Variants in BAZ2B observed in about 807,000 individuals in gnomAD.
BAZ2B encodes bromodomain adjacent to zinc finger domain protein 2B.
BAZ2B carries 91 observed loss-of-function variants against 246.0 expected under a neutral mutation model. The observed-to-expected ratio is 0.37, with a 90% CI of 0.31 to 0.44. The LOEUF (loss-of-function observed/expected upper bound fraction) is 0.44, where lower values mean the gene tolerates loss of function less well. Ranked by LOEUF, BAZ2B falls within the 20% of genes least tolerant of loss-of-function variation. BAZ2B has a pLI of 1.00. For missense variants in BAZ2B, 2,332 were observed against 2,533.7 expected (o/e 0.92, Z 1.71); for synonymous variants, 855 against 860.0 (o/e 0.99, Z 0.10).
chr2:159,640,621 T>A, the BAZ2B span, among the ~76,000 whole-genome samples: 1 of 151,640 alleles, frequency 6.6e-6, no homozygotes, highest in East Asian at 1.9e-4. Flanking sequence ...AATGAAAAAG[T>A]AAGAAGGAAA....
chr2:159,647,527 C>A, the BAZ2B span, among the ~76,000 whole-genome samples: 3 of 152,216 alleles, frequency 2.0e-5, no homozygotes, highest in Non-Finnish European at 4.4e-5. Context: ...CTCAGAGACA[C>A]ACTCAGAATA....
At chr2:159,494,982 T>TG in intron 2 of BAZ2B, among the ~76,000 whole-genome samples, 1 of 152,284 alleles carries the variant, frequency 6.6e-6, no homozygotes, top group South Asian at 2.1e-4. Flanking sequence ...TGATAGTACC[T>TG]GGGTACTAGG....
rs748411774 is a variant in BAZ2B at position 159,412,419 on chromosome 2, G to A, written c.2593C>T (p.Arg865Trp). 4.3e-6 allele frequency: 7 copies of A among 1,613,944 alleles called. No individual in the cohort carries two copies. The highest frequency in any genetic ancestry group is 3.3e-5 in the South Asian group (3 of 91,078). The change falls in exon 14 of 37, where the codon CGG (arginine) becomes TGG (tryptophan). Residue 865 changes from arginine to tryptophan, a missense_variant. This residue lies in a region of BAZ2B where 651 missense variants were observed against 650.9 expected (regional missense o/e 1.00). Transcript: ENST00000392783. ...CCAACATTTGGAGGTCGACCTTTCCGACGTCTCATCCTGGATTCCTCTCTT... is the reference window on the plus strand; with the variant it reads ...CCAACATTTGGAGGTCGACCTTTCCAACGTCTCATCCTGGATTCCTCTCTT... The part of the protein sequence containing the change: ...RAREESRMRR[R>W]KGRPPNVGNA...
chr2:159,400,630 T>C lies in BAZ2B; in HGVS notation c.2867A>G (p.Glu956Gly), dbSNP rs931865907. Residue 956 changes from glutamate (E) to glycine (G), a missense_variant, in exon 17 of 37, where the codon GAA becomes GGA. Physicochemically the swap from Glu to Gly is moderately conservative, Grantham distance 98. Coordinates refer to ENST00000392783, the MANE Select transcript of BAZ2B (RefSeq NM_013450.4). ...KIKRIQQIRM[E>G]KELRAQQILE... ...AATTTGCTGAGCTCGAAGTTCTTTTTCCATTCTGATTTGCTGTATTCTCTT... is the reference window on the plus strand; with the variant it reads ...AATTTGCTGAGCTCGAAGTTCTTTTCCCATTCTGATTTGCTGTATTCTCTT... The C allele has an allele frequency of 6.3e-7, 1 of 1,578,432 alleles. No individual in the cohort carries two copies. Among genetic ancestry groups the C allele is most frequent in the Non-Finnish European group, 8.7e-7 (1 of 1,153,726 alleles).
intron 27 of BAZ2B, among the ~76,000 whole-genome samples, chr2:159,367,682 G>A (rs147440095): frequency 0.15 from 23,144 of 151,916 alleles, 2,442 homozygotes; most frequent in African/African-American, 0.31. Context: ...TCAGGAGATC[G>A]AGACCATCCT....
intron 27 of BAZ2B, among the ~76,000 whole-genome samples, chr2:159,351,290 G>A (rs912401961): frequency 3.3e-5 from 5 of 152,124 alleles, no homozygotes; most frequent in African/African-American, 1.2e-4. Context: ...ACCTTGACAT[G>A]TCGATAAACA....
At chr2:159,533,048 A>T (rs1475484779) in intron 2 of BAZ2B, among the ~76,000 whole-genome samples, 2 of 152,202 alleles carry the variant, frequency 1.3e-5, no homozygotes, top group Non-Finnish European at 2.9e-5. Flanking sequence ...GAGAAACTAG[A>T]AAGTAAATTA....
intron 2 of BAZ2B, chr2:159,536,421 T>A (rs895051500): frequency 3.3e-5 from 5 of 152,212 alleles, no homozygotes; most frequent in African/African-American, 1.2e-4. Flanking sequence ...TTTAAATTTG[T>A]ATTTCTAATA....
At chr2:159,374,775 G>A in intron 25 of BAZ2B, 22 bp from the exon 26 acceptor site, 1 of 1,593,364 alleles carries the variant, frequency 6.3e-7, no homozygotes, top group Non-Finnish European at 8.6e-7. Flanking sequence ...AAAATACAGT[G>A]TCATTTATCT....
chr2:159,499,423 T>C (rs1183312256), intron 2 of BAZ2B, among the ~76,000 whole-genome samples: 3 of 152,250 alleles, frequency 2.0e-5, no homozygotes, highest in South Asian at 2.1e-4. Flanking sequence ...CAGTCTATCA[T>C]TGATGGGCAT....
intron 1 of BAZ2B, among the ~76,000 whole-genome samples, chr2:159,562,145 C>T (rs535182031): frequency 6.6e-6 from 1 of 152,258 alleles, no homozygotes; most frequent in East Asian, 1.9e-4. Flanking sequence ...GGCATTCTAT[C>T]AAAATGCATT....
intron 1 of BAZ2B, among the ~76,000 whole-genome samples, chr2:159,560,351 G>A (rs1369665005): frequency 6.6e-6 from 1 of 151,942 alleles, no homozygotes; most frequent in Non-Finnish European, 1.5e-5. Context: ...TTTTGTGTGT[G>A]CTCTATGCTC....
the BAZ2B span, among the ~76,000 whole-genome samples, chr2:159,701,201 T>C: frequency 6.6e-6 from 1 of 152,206 alleles, no homozygotes; most frequent in Admixed American, 6.5e-5. Flanking sequence ...CTCTAGTGTC[T>C]GAGTCACAAA....
chr2:159,367,090 G>A (rs890036292), intron 27 of BAZ2B, among the ~76,000 whole-genome samples: 1 of 152,152 alleles, frequency 6.6e-6, no homozygotes, highest in African/African-American at 2.4e-5. Flanking sequence ...TGTAGATCCT[G>A]GTCCTTTGTA....
At chr2:159,370,720 A>G (rs1056931821) in intron 27 of BAZ2B, among the ~76,000 whole-genome samples, 5 of 151,780 alleles carry the variant, frequency 3.3e-5, no homozygotes, top group Admixed American at 6.6e-5. Context: ...TTTAAATTAG[A>G]TCCTATACTA....
the BAZ2B span, among the ~76,000 whole-genome samples, chr2:159,681,818 G>A: frequency 2.0e-5 from 3 of 152,110 alleles, no homozygotes; most frequent in African/African-American, 4.8e-5. Context: ...CCAGCTACTC[G>A]GGAGGCTGAG....
At chr2:159,329,476 C>G (rs971086173) in intron 34 of BAZ2B, among the ~76,000 whole-genome samples, 2 of 152,118 alleles carry the variant, frequency 1.3e-5, no homozygotes, top group Admixed American at 6.5e-5. Context: ...TGCACACACA[C>G]ACAAACACAT....
At position 159,350,087 on chromosome 2, in the gene BAZ2B, C is replaced by A; in HGVS notation, c.4484G>T (p.Gly1495Val). 1.2e-6 allele frequency: 2 copies of A among 1,614,088 alleles called. No homozygotes were observed. Among genetic ancestry groups the A allele is most frequent in the Non-Finnish European group, 1.7e-6 (2 of 1,180,016 alleles). ...MTPKPNAGAN[G>V]CTLSYQNSGK... ...ACTGTTCTGATAAGACAACGTGCACCCATTTGCACCAGCATTTGGTTTGGG... is the reference window on the plus strand; with the variant it reads ...ACTGTTCTGATAAGACAACGTGCACACATTTGCACCAGCATTTGGTTTGGG... The change falls in exon 28 of 37, where the codon GGG (glycine) becomes GTG (valine). Residue 1495 changes from glycine to valine, a missense_variant. Physicochemically the swap from Gly to Val is moderately radical, Grantham distance 109. Coordinates refer to ENST00000392783, the MANE Select transcript of BAZ2B (RefSeq NM_013450.4).
At chr2:159,681,188 T>C in the BAZ2B span, among the ~76,000 whole-genome samples, 121 of 152,070 alleles carry the variant, frequency 8.0e-4, 1 homozygote, top group Admixed American at 5.9e-4. Flanking sequence ...AAATTTATCA[T>C]AAGAGAAAAT....
Sources: gnomAD v4.1 joint callset for allele counts (sites outside exome capture counted in the v4.1 genomes callset) on GRCh38, gnomAD v4.1.1 for gene constraint, gnomAD v4.1.1 regional missense constraint, MANE v1.5 for transcripts, NCBI Gene and HGNC (gene_info 2026-07-23, HGNC 2026-07-21) for gene names.